Variants in ATXN7L1 observed in about 807,000 individuals in gnomAD.
ATXN7L1 encodes ataxin 7 like 1.
In ATXN7L1, 15 loss-of-function variants were observed where a neutral mutation model predicts 70.8. The ratio of observed to expected loss-of-function variants is 0.21; its 90% CI spans 0.14 to 0.33. The LOEUF is 0.33. Ranked by LOEUF, ATXN7L1 falls within the 10% of genes least tolerant of loss-of-function variation. ATXN7L1 has a pLI of 1.00. For missense variants in ATXN7L1, 975 were observed against 1,097.1 expected, an observed-to-expected ratio of 0.89 and a Z score of 1.57; for synonymous variants, 440 against 445.1, an observed-to-expected ratio of 0.99 and a Z score of 0.14.
intron 5 of ATXN7L1, among the ~76,000 whole-genome samples, chr7:105,641,214 CTTTTTTTTTTTTTTTTTTT>C (rs561100060): frequency 9.2e-5 from 2 of 21,786 alleles, no homozygotes; most frequent in South Asian, 2.7e-3. Flanking sequence ...CTCTCTCTCT[CTTTTTTTTTTTTTTTTTTT>C]TTTTTTTTTT....
chr7:105,875,689 C>T (rs1200459381), intron 2 of ATXN7L1, 123 bp downstream of exon 2: 2 of 581,912 alleles, frequency 3.4e-6, no homozygotes, highest in East Asian at 6.4e-5. Context: ...GTCACCTGGG[C>T]GTGCTCAATT....
chr7:105,811,230 T>C (rs946119904), intron 2 of ATXN7L1, among the ~76,000 whole-genome samples: 1 of 152,130 alleles, frequency 6.6e-6, no homozygotes, highest in African/African-American at 2.4e-5. Flanking sequence ...CTGGAGATGA[T>C]GTGAAGGTGG....
chr7:105,859,493 A>T (rs1393677086), intron 2 of ATXN7L1, among the ~76,000 whole-genome samples: 1 of 152,190 alleles, frequency 6.6e-6, no homozygotes, highest in Non-Finnish European at 1.5e-5. Flanking sequence ...AAGAGTATAT[A>T]ATACCATATT....
intron 11 of ATXN7L1, among the ~76,000 whole-genome samples, chr7:105,609,169 C>T (rs996233797): frequency 6.6e-6 from 1 of 152,076 alleles, no homozygotes; most frequent in African/African-American, 2.4e-5. Context: ...CAAGGCCTCC[C>T]CCTCCTCTTT....
At chr7:105,622,379 A>G (rs1795060797) in intron 8 of ATXN7L1, among the ~76,000 whole-genome samples, 1 of 152,162 alleles carries the variant, frequency 6.6e-6, no homozygotes, top group Non-Finnish European at 1.5e-5. Context: ...TGTCTTTGCT[A>G]CCTGTGTATC....
At chr7:105,834,741 A>G (rs1812114808) in intron 2 of ATXN7L1, among the ~76,000 whole-genome samples, 1 of 152,172 alleles carries the variant, frequency 6.6e-6, no homozygotes, top group Admixed American at 6.5e-5. Context: ...GGCTTGCAGA[A>G]AAACAACTTC....
chr7:105,730,032 C>T (rs933633486), intron 3 of ATXN7L1, among the ~76,000 whole-genome samples: 15 of 152,080 alleles, frequency 9.9e-5, no homozygotes, highest in Admixed American at 2.0e-4. Context: ...CCACCACTCC[C>T]GGCCCCTCCC....
rs73717262 is a variant in ATXN7L1, at chr7:105,734,506, T to C, written c.355+54098A>G. Among the ~76,000 whole-genome samples, 1,887 of 152,286 alleles carry C rather than the reference T, an allele frequency of 0.012. 67 individuals are homozygous for C. In the South Asian group the frequency reaches 0.14, roughly 11 times the overall value. On this transcript the variant is annotated intron_variant, in intron 3 of 11. Transcript: ENST00000419735. ...TCAAGGTGATCCTCTGCAGATTAAGTAGACCATCAATAATCTTTGGTAAAC... is the reference window on the plus strand; with the variant it reads ...TCAAGGTGATCCTCTGCAGATTAAGCAGACCATCAATAATCTTTGGTAAAC...
chr7:105,821,829 C>G (rs1272389687), intron 2 of ATXN7L1, among the ~76,000 whole-genome samples: 4 of 152,264 alleles, frequency 2.6e-5, no homozygotes. Flanking sequence ...ATTGTTGCTC[C>G]TGTGCTCACA....
intron 3 of ATXN7L1, among the ~76,000 whole-genome samples, chr7:105,759,774 C>G (rs933738691): frequency 6.6e-6 from 1 of 152,160 alleles, no homozygotes; most frequent in African/African-American, 2.4e-5. Context: ...TATTCTCTGA[C>G]ATTCAGTTCT....
chr7:105,770,395 A>G (rs1036720760), intron 3 of ATXN7L1, among the ~76,000 whole-genome samples: 41 of 152,218 alleles, frequency 2.7e-4, no homozygotes, highest in African/African-American at 9.7e-4. Flanking sequence ...TTAAGAGGAG[A>G]GAATCTTTTT....
intron 2 of ATXN7L1, among the ~76,000 whole-genome samples, chr7:105,847,817 A>G (rs1307761721): frequency 3.3e-5 from 5 of 152,230 alleles, no homozygotes; most frequent in African/African-American, 1.2e-4. Context: ...AGTTTTTATT[A>G]TTAGTACTGT....
intron 2 of ATXN7L1, among the ~76,000 whole-genome samples, chr7:105,861,243 T>C (rs1026517463): frequency 1.2e-4 from 19 of 152,184 alleles, no homozygotes; most frequent in Admixed American, 1.2e-3. Flanking sequence ...CTGTGTTAAC[T>C]GGTCGATGAG....
intron 2 of ATXN7L1, chr7:105,819,697 G>T: frequency 1.1e-6 from 1 of 920,938 alleles, no homozygotes; most frequent in South Asian, 1.3e-5. Flanking sequence ...CCTTCCCGAG[G>T]CCCCTACCAC....
intron 2 of ATXN7L1, among the ~76,000 whole-genome samples, chr7:105,811,733 C>A (rs1808466803): frequency 6.6e-6 from 1 of 152,158 alleles, no homozygotes; most frequent in African/African-American, 2.4e-5. Context: ...AAAGCTGAGA[C>A]TGGGAGAAGC....
At chr7:105,656,008 G>C (rs1481860010) in intron 4 of ATXN7L1, among the ~76,000 whole-genome samples, 2 of 152,242 alleles carry the variant, frequency 1.3e-5, no homozygotes, top group Admixed American at 1.3e-4. Flanking sequence ...CAACACACAC[G>C]TGTGGGTTGA....
At chr7:105,752,375 G>C (rs190069465) in intron 3 of ATXN7L1, among the ~76,000 whole-genome samples, 2 of 152,160 alleles carry the variant, frequency 1.3e-5, no homozygotes, top group African/African-American at 4.8e-5. Flanking sequence ...CGTATGTGTT[G>C]CAAAGTGCTG....
chr7:105,835,144 GT>G (rs1157588903), intron 2 of ATXN7L1, among the ~76,000 whole-genome samples: 90 of 119,004 alleles, frequency 7.6e-4, no homozygotes, highest in South Asian at 5.2e-3. Flanking sequence ...ATTTATAAGT[GT>G]GTGGTTTTTT....
chr7:105,609,800 C>A (rs1371945657), intron 11 of ATXN7L1, among the ~76,000 whole-genome samples: 2 of 151,872 alleles, frequency 1.3e-5, no homozygotes, highest in Non-Finnish European at 2.9e-5. Flanking sequence ...GAGACACAGT[C>A]TCACTCTGTC....
Sources: allele counts gnomAD v4.1 joint callset (sites outside exome capture counted in the v4.1 genomes callset), GRCh38; gene constraint gnomAD v4.1.1; transcripts MANE v1.5; gene names NCBI Gene and HGNC (gene_info 2026-07-23, HGNC 2026-07-21).